The following PRDM16 variants were observed in gnomAD, a reference collection of about 807,000 sequenced individuals.
PRDM16 encodes the protein PR/SET domain 16, also known as histone-lysine N-methyltransferase PRDM16.
In PRDM16, 23 loss-of-function variants were observed where a neutral mutation model predicts 110.6. The ratio of observed to expected loss-of-function variants is 0.21; its 90% CI spans 0.15 to 0.29. The LOEUF (loss-of-function observed/expected upper bound fraction) is 0.29, where lower values mean the gene tolerates loss of function less well. Among genes scored for constraint, PRDM16 ranks in the 10% least tolerant of loss-of-function variants. The pLI is 1.00. For synonymous variants in PRDM16, 799 were observed against 781.8 expected (o/e 1.02, Z -0.37); for missense variants, 1,615 against 1,794.3 (o/e 0.90, Z 1.81).
chr1:3,325,542 G>A (rs961657791), intron 3 of PRDM16, among the ~76,000 whole-genome samples: 3 of 152,218 alleles, frequency 2.0e-5, no homozygotes, highest in Admixed American at 6.5e-5. Flanking sequence ...CGGCTCTCAG[G>A]GACTGTGTTT....
chr1:3,120,333 G>A (rs138165056), intron 1 of PRDM16, among the ~76,000 whole-genome samples: 8 of 152,320 alleles, frequency 5.3e-5, no homozygotes, highest in Non-Finnish European at 1.2e-4. Context: ...TGTCTGGTAC[G>A]CTTCAGCCTG....
chr1:3,279,891 C>A lies in PRDM16; in HGVS notation c.438+35754C>A, dbSNP rs190804202. ...CCTCCTCCCACCCCCCCCGGGCACC[C>A]ACCACCAATGTGGGTCCACACCATT... On this transcript the variant is annotated intron_variant, in intron 3 of 16. Coordinates refer to ENST00000270722, the MANE Select transcript of PRDM16 (RefSeq NM_022114.4). Among the ~76,000 whole-genome samples the A allele has an allele frequency of 3.8e-4, 58 of 150,664 alleles. 1 individual carries two copies. The East Asian group carries it at 0.011, about 28-fold the overall frequency.
intron 3 of PRDM16, among the ~76,000 whole-genome samples, chr1:3,267,833 A>G (rs1569958723): frequency 1.3e-5 from 2 of 152,188 alleles, no homozygotes; most frequent in Admixed American, 1.3e-4. Flanking sequence ...CCAGGCCCAC[A>G]GGAAGCCTCC....
intron 1 of PRDM16, among the ~76,000 whole-genome samples, chr1:3,115,628 G>A (rs1642940053): frequency 6.6e-6 from 1 of 151,744 alleles, no homozygotes; most frequent in Non-Finnish European, 1.5e-5. Context: ...GGGGGCGGGG[G>A]CCACGGAGGG....
intron 2 of PRDM16, among the ~76,000 whole-genome samples, chr1:3,203,039 C>G (rs772858354): frequency 9.2e-5 from 14 of 152,182 alleles, no homozygotes; most frequent in Non-Finnish European, 1.9e-4. Flanking sequence ...TGTGTTCTCC[C>G]GAACTGGCAT....
chr1:3,288,658 G>T (rs1300380368), intron 3 of PRDM16, among the ~76,000 whole-genome samples: 1 of 152,142 alleles, frequency 6.6e-6, no homozygotes, highest in African/African-American at 2.4e-5. Context: ...ACCACCCCAG[G>T]GGCTCTAAAG....
chr1:3,236,659 G>T (rs1485650682), intron 2 of PRDM16, among the ~76,000 whole-genome samples: 1 of 152,204 alleles, frequency 6.6e-6, no homozygotes. Context: ...CCCTGCCCTC[G>T]GTGTGCACCA....
intron 4 of PRDM16, chr1:3,386,986 G>A (rs905227205): frequency 2.3e-5 from 3 of 128,916 alleles, no homozygotes; most frequent in African/African-American, 9.2e-5. Context: ...ATCTCAAAGA[G>A]AAGCCTGTCT....
chr1:3,245,863 A>C lies in PRDM16; in HGVS notation c.438+1726A>C, dbSNP rs1045914058. ...TGCGAATCCCTCAAGTTCTCGAGGG[A>C]GCCTGAAATCACTGGGTTTTCCACC... is the stretch of plus-strand genomic sequence containing the variant. On this transcript the variant is annotated intron_variant, in intron 3 of 16. Transcript: ENST00000270722. The surrounding 1 kb of genome is among the most constrained non-coding windows in gnomAD (Gnocchi z 4.7). 1.3e-5 allele frequency among the ~76,000 whole-genome samples: 2 copies of C among 151,926 alleles called. No homozygotes were observed. The highest frequency in any genetic ancestry group is 4.8e-5 in the African/African-American group (2 of 41,356).
intron 4 of PRDM16, among the ~76,000 whole-genome samples, chr1:3,386,165 G>GTGCCCGGGA (rs1643193750): frequency 6.6e-6 from 1 of 151,908 alleles, no homozygotes; most frequent in South Asian, 2.1e-4. Flanking sequence ...GGTGCCCGGG[G>GTGCCCGGGA]TCCCCGGCCC....
intron 2 of PRDM16, among the ~76,000 whole-genome samples, chr1:3,202,021 G>C (rs1177399964): frequency 2.0e-5 from 3 of 152,194 alleles, no homozygotes; most frequent in African/African-American, 7.2e-5. Flanking sequence ...CCTCACAGTG[G>C]AGAGGTCCCC....
chr1:3,409,173 G>A (rs1643624688), intron 8 of PRDM16, among the ~76,000 whole-genome samples: 3 of 151,368 alleles, frequency 2.0e-5, no homozygotes, highest in East Asian at 2.0e-4. Context: ...GTGTGGGCAC[G>A]TGAGTTGGTG....
intron 3 of PRDM16, among the ~76,000 whole-genome samples, chr1:3,332,450 G>GTGGCC (rs1459069092): frequency 1.3e-5 from 2 of 152,076 alleles, no homozygotes; most frequent in African/African-American, 4.8e-5. Context: ...GTGGGGGGGC[G>GTGGCC]TGGCCTGGCC....
Position 3,157,414 on chromosome 1 carries a change from G to A in PRDM16, c.38-28711G>A, listed in dbSNP as rs1237186843. Among the ~76,000 whole-genome samples the A allele has an allele frequency of 3.1e-5, 4 of 127,646 alleles. No homozygotes were observed. Among genetic ancestry groups the A allele is most frequent in the Admixed American group, 1.7e-4 (2 of 11,838 alleles). 83.7% of individuals were successfully genotyped at this position (127,646 alleles called of 152,430 possible). ...GCCCCCAGGCTCCCAGGCCTTTTGC[G>A]ATCCCATTAAAAAAAAAAAAAAAAA... is the stretch of plus-strand genomic sequence containing the variant. On this transcript the variant is annotated intron_variant, in intron 1 of 16. Coordinates refer to ENST00000270722, the MANE Select transcript of PRDM16 (RefSeq NM_022114.4). This position sits in a 1 kb window ranked among gnomAD's most constrained non-coding sequence, Gnocchi z 4.8.
At chr1:3,105,834 G>A (rs1250460307) in intron 1 of PRDM16, among the ~76,000 whole-genome samples, 1 of 152,224 alleles carries the variant, frequency 6.6e-6, no homozygotes, top group Non-Finnish European at 1.5e-5. Flanking sequence ...CCCCAGACAG[G>A]ACAGGAAACA....
chr1:3,361,059 C>T (rs559665164), intron 3 of PRDM16, among the ~76,000 whole-genome samples: 86 of 152,346 alleles, frequency 5.6e-4, no homozygotes, highest in South Asian at 3.1e-3. Context: ...TGCGGAACAG[C>T]GTTCCATTGA....
chr1:3,355,033 G>T (rs1453763931), intron 3 of PRDM16, among the ~76,000 whole-genome samples: 2 of 152,154 alleles, frequency 1.3e-5, no homozygotes, highest in African/African-American at 2.4e-5. Flanking sequence ...CACCAGGGGG[G>T]AACCCACCGG....
At chr1:3,140,836 TC>T (rs1415273406) in intron 1 of PRDM16, among the ~76,000 whole-genome samples, 1 of 152,196 alleles carries the variant, frequency 6.6e-6, no homozygotes, top group Non-Finnish European at 1.5e-5. Context: ...CGGATGGGCT[TC>T]CCTCGGCAAA....
At chr1:3,198,473 G>A (rs993253327) in intron 2 of PRDM16, among the ~76,000 whole-genome samples, 4 of 152,246 alleles carry the variant, frequency 2.6e-5, no homozygotes, top group South Asian at 2.1e-4. Context: ...GCAGGGGAGC[G>A]TGGTCTCTTC....
Sources: gnomAD v4.1 joint callset for allele counts (sites outside exome capture counted in the v4.1 genomes callset) on GRCh38, gnomAD v4.1.1 for gene constraint, Gnocchi (gnomAD v3.1) non-coding constraint, MANE v1.5 for transcripts, NCBI Gene and HGNC (gene_info 2026-07-23, HGNC 2026-07-21) for gene names.